The following ZNG1A variants were observed in gnomAD, a reference collection of about 807,000 sequenced individuals.
ZNG1A encodes the protein Zn regulated GTPase metalloprotein activator 1A.
At chr9:150,660 G>A in the ZNG1A span, 3 of 982,432 alleles carry the variant, frequency 3.1e-6, no homozygotes, top group African/African-American at 3.6e-5. Flanking sequence ...ATTCACAGAA[G>A]ATTTTAGTCA....
the ZNG1A span, among the ~76,000 whole-genome samples, chr9:176,196 C>T: frequency 7.3e-6 from 1 of 137,724 alleles, no homozygotes; most frequent in African/African-American, 2.8e-5. Context: ...GTAGTGTCAA[C>T]AATGGACAGA....
At chr9:172,050 T>C in the ZNG1A span, 10 of 1,609,118 alleles carry the variant, frequency 6.2e-6, no homozygotes, top group Non-Finnish European at 7.6e-6. Context: ...CACAGAACTA[T>C]ATTCTGGTTA....
chr9:174,846 AT>A, the ZNG1A span, among the ~76,000 whole-genome samples: 5 of 150,822 alleles, frequency 3.3e-5, no homozygotes, highest in African/African-American at 9.9e-5. Flanking sequence ...GTCTAGAGCT[AT>A]TTTTTTGACT....
chr9:143,000 G>A, the ZNG1A span, among the ~76,000 whole-genome samples: 1 of 143,632 alleles, frequency 7.0e-6, no homozygotes, highest in African/African-American at 2.7e-5. Flanking sequence ...CCAGGAAGAA[G>A]TTGAATCTCT....
At chr9:147,391 A>AC in the ZNG1A span, 1 of 86,794 alleles carries the variant, frequency 1.2e-5, no homozygotes, top group African/African-American at 6.3e-5. Flanking sequence ...CATATAAGAA[A>AC]AACATCTCCT....
chr9:161,575 G>A, the ZNG1A span: 2 of 1,286,472 alleles, frequency 1.6e-6, no homozygotes, highest in Non-Finnish European at 2.0e-6. Flanking sequence ...ACTGCTTTGG[G>A]CCCTATCCAT....
At chr9:175,878 G>A in the ZNG1A span, 35 of 1,383,280 alleles carry the variant, frequency 2.5e-5, 2 homozygotes, top group South Asian at 3.0e-5. Context: ...GAGAATTTGC[G>A]TGCTATTTTT....
chr9:140,879 A>T, the ZNG1A span, among the ~76,000 whole-genome samples: 33 of 146,158 alleles, frequency 2.3e-4, no homozygotes, highest in Non-Finnish European at 4.4e-4. Flanking sequence ...AAGGCTCGAG[A>T]ACTACGTGAA....
At chr9:151,796 CACTT>C in the ZNG1A span, 2 of 528,884 alleles carry the variant, frequency 3.8e-6, no homozygotes, top group Non-Finnish European at 6.2e-6. Context: ...ATTAAGCAAA[CACTT>C]ACACAGTGTT....
chr9:176,533 T>C, the ZNG1A span, among the ~76,000 whole-genome samples: 7 of 152,258 alleles, frequency 4.6e-5, no homozygotes, highest in South Asian at 1.4e-3. Context: ...GATCTTCCTA[T>C]AACTAGGAAG....
chr9:126,469 T>G, the ZNG1A span, among the ~76,000 whole-genome samples: 15 of 151,682 alleles, frequency 9.9e-5, no homozygotes, highest in African/African-American at 3.4e-4. Context: ...TCTCCATCTA[T>G]TTTAGGTTTT....
chr9:176,754 AG>A, the ZNG1A span, among the ~76,000 whole-genome samples: 4 of 151,978 alleles, frequency 2.6e-5, no homozygotes, highest in African/African-American at 9.7e-5. Flanking sequence ...AGTGTTTCAC[AG>A]GGCAGTGATG....
At chr9:174,742 C>T in the ZNG1A span, among the ~76,000 whole-genome samples, 1,042 of 151,256 alleles carry the variant, frequency 6.9e-3, 5 homozygotes, top group Non-Finnish European at 0.01. Flanking sequence ...TAAAAGAAAT[C>T]GTTTAATAGA....
the ZNG1A span, among the ~76,000 whole-genome samples, chr9:171,155 T>C: frequency 4.7e-4 from 71 of 152,218 alleles, no homozygotes; most frequent in Admixed American, 1.3e-4. Flanking sequence ...AATTCAATAC[T>C]ACTTTGAAAA....
the ZNG1A span, chr9:122,351 A>G: frequency 1.5e-6 from 2 of 1,328,314 alleles, no homozygotes; most frequent in Non-Finnish European, 1.9e-6. Flanking sequence ...TACATATATT[A>G]GGATGGTTTT....
At chr9:135,168 T>G in the ZNG1A span, 1 of 1,504,930 alleles carries the variant, frequency 6.6e-7, no homozygotes, top group Non-Finnish European at 8.9e-7. Flanking sequence ...TTTTACAAGT[T>G]GTTCGCAAAT....
the ZNG1A span, among the ~76,000 whole-genome samples, chr9:145,682 AAAACTT>A: frequency 6.6e-6 from 1 of 151,902 alleles, no homozygotes; most frequent in South Asian, 2.1e-4. Flanking sequence ...CCTGTACCCT[AAAACTT>A]AAAGTATAAT....
chr9:141,546 A>C, the ZNG1A span, among the ~76,000 whole-genome samples: 1 of 150,534 alleles, frequency 6.6e-6, no homozygotes, highest in Non-Finnish European at 1.5e-5. Context: ...AGGAAGCACT[A>C]AACGTGGAAA....
chr9:128,887 C>A, the ZNG1A span, among the ~76,000 whole-genome samples: 12 of 151,490 alleles, frequency 7.9e-5, no homozygotes, highest in African/African-American at 2.9e-4. Flanking sequence ...ATGTAGTACT[C>A]TCTCCCTTTT....
Sources: gnomAD v4.1 joint callset for allele counts (sites outside exome capture counted in the v4.1 genomes callset) on GRCh38, gnomAD v4.1.1 for gene constraint, MANE v1.5 for transcripts, NCBI Gene and HGNC (gene_info 2026-07-23, HGNC 2026-07-21) for gene names.